The following HCN1 variants were observed in gnomAD, a reference collection of about 807,000 sequenced individuals.
HCN1 encodes hyperpolarization activated cyclic nucleotide gated potassium channel 1.
HCN1 carries 13 observed loss-of-function variants against 78.9 expected under a neutral mutation model. The observed-to-expected ratio is 0.16, with a 90% CI of 0.11 to 0.26. HCN1 has a LOEUF of 0.26. HCN1 is among the 10% of genes least tolerant of loss of function. The probability of loss-of-function intolerance (pLI) is 1.00; values close to 1 mark genes in which losing one functional copy is unlikely to be tolerated. For missense variants in HCN1, 810 were observed against 1,154.3 expected (o/e 0.70, Z 4.32); for synonymous variants, 552 against 455.5 (o/e 1.21, Z -2.70).
chr5:45,413,565 G>T (rs1214966819), intron 3 of HCN1, among the ~76,000 whole-genome samples: 1 of 151,968 alleles, frequency 6.6e-6, no homozygotes, highest in African/African-American at 2.4e-5. Context: ...GCTACACCAT[G>T]CAGGAGCAAA....
chr5:45,287,908 C>T (rs1415368237), intron 6 of HCN1, among the ~76,000 whole-genome samples: 1 of 152,028 alleles, frequency 6.6e-6, no homozygotes, highest in African/African-American at 2.4e-5. Context: ...TATGCTAATG[C>T]CTAACATCAT....
rs113612604 is a variant in HCN1 at position 45,384,297 on chromosome 5, C to G, written c.1230+12195G>C. ...AGATACTAAAAACACCCACAGATATCTAAATGATGTCTATATTACATCCAA... is the reference window on the plus strand; with the variant it reads ...AGATACTAAAAACACCCACAGATATGTAAATGATGTCTATATTACATCCAA... On this transcript the variant is annotated intron_variant, in intron 4 of 7. Coordinates refer to ENST00000303230, the MANE Select transcript of HCN1 (RefSeq NM_021072.4). Among the ~76,000 whole-genome samples, 4 of 152,172 alleles carry G rather than the reference C, an allele frequency of 2.6e-5. 1 individual carries two copies. The highest frequency in any genetic ancestry group is 9.6e-5 in the African/African-American group (4 of 41,548).
intron 2 of HCN1, among the ~76,000 whole-genome samples, chr5:45,630,331 C>T (rs1391700364): frequency 6.6e-6 from 1 of 152,122 alleles, no homozygotes; most frequent in African/African-American, 2.4e-5. Flanking sequence ...ACTAGCTGTG[C>T]AATATGGGGA....
chr5:45,498,041 G>A (rs1415793973), intron 2 of HCN1, among the ~76,000 whole-genome samples: 2 of 152,068 alleles, frequency 1.3e-5, no homozygotes, highest in Non-Finnish European at 2.9e-5. Flanking sequence ...TTTCAACTTT[G>A]GTGAATCTGA....
At chr5:45,480,420 GTAGA>G (rs1390854669) in intron 2 of HCN1, among the ~76,000 whole-genome samples, 3 of 152,100 alleles carry the variant, frequency 2.0e-5, no homozygotes, top group Non-Finnish European at 4.4e-5. Context: ...ATTGCAATAA[GTAGA>G]TAGAGCAACA....
Position 45,395,258 on chromosome 5 carries a change from C to T in HCN1, c.1230+1234G>A, listed in dbSNP as rs1441870161. On this transcript the variant is annotated intron_variant, in intron 4 of 7. Transcript: ENST00000303230. ...AACATCAGATTTAACGTGATGTAGTCTTATCTTAAATCTCCATAAAATTAG... is the reference window on the plus strand; with the variant it reads ...AACATCAGATTTAACGTGATGTAGTTTTATCTTAAATCTCCATAAAATTAG... Among the ~76,000 whole-genome samples the T allele has an allele frequency of 5.3e-5, 8 of 152,006 alleles. No individual in the cohort carries two copies. In the East Asian group the frequency reaches 1.5e-3, roughly 29 times the overall value.
intron 2 of HCN1, among the ~76,000 whole-genome samples, chr5:45,612,876 A>G (rs1744866055): frequency 2.0e-5 from 3 of 152,198 alleles, no homozygotes. Flanking sequence ...TGTGTTCCAG[A>G]GAAACAAAGG....
intron 2 of HCN1, among the ~76,000 whole-genome samples, chr5:45,583,293 A>T (rs1255507319): frequency 6.6e-6 from 1 of 151,932 alleles, no homozygotes; most frequent in African/African-American, 2.4e-5. Flanking sequence ...TTTCTTCTAG[A>T]TTTTCTAGTT....
chr5:45,389,319 T>A (rs2112033285), intron 4 of HCN1, among the ~76,000 whole-genome samples: 1 of 152,282 alleles, frequency 6.6e-6, no homozygotes, highest in East Asian at 1.9e-4. Context: ...TAATATAATT[T>A]CTTCTTCTCT....
intron 1 of HCN1, among the ~76,000 whole-genome samples, chr5:45,646,102 T>C (rs997110119): frequency 5.9e-5 from 9 of 152,020 alleles, no homozygotes; most frequent in South Asian, 4.1e-4. Flanking sequence ...GTTATGCAAA[T>C]TTATCTCAAG....
At chr5:45,585,576 G>A (rs1021394979) in intron 2 of HCN1, among the ~76,000 whole-genome samples, 3 of 152,122 alleles carry the variant, frequency 2.0e-5, no homozygotes, top group Non-Finnish European at 2.9e-5. Flanking sequence ...GAGGAGCTGC[G>A]TTCCTTTGGA....
At chr5:45,272,977 G>C (rs574219870) in intron 6 of HCN1, among the ~76,000 whole-genome samples, 3 of 152,032 alleles carry the variant, frequency 2.0e-5, no homozygotes, top group Admixed American at 6.6e-5. Flanking sequence ...CTTTTTTCTT[G>C]TTTGTATACT....
intron 2 of HCN1, among the ~76,000 whole-genome samples, chr5:45,580,731 T>A (rs1204189445): frequency 6.6e-6 from 1 of 152,046 alleles, no homozygotes; most frequent in Non-Finnish European, 1.5e-5. Context: ...ATGTTCCTCT[T>A]CCTGTGGCCA....
chr5:45,416,142 T>C (rs116591850), intron 3 of HCN1, among the ~76,000 whole-genome samples: 1,614 of 152,120 alleles, frequency 0.011, 27 homozygotes, highest in African/African-American at 0.037. Context: ...CAATTCAGCA[T>C]ATATTTTAAC....
chr5:45,323,475 T>C (rs558191549), intron 5 of HCN1, among the ~76,000 whole-genome samples: 2 of 152,038 alleles, frequency 1.3e-5, no homozygotes, highest in Non-Finnish European at 2.9e-5. Flanking sequence ...AATAAAATGG[T>C]AGAATGCCTT....
intron 2 of HCN1, among the ~76,000 whole-genome samples, chr5:45,531,854 A>G (rs768330338): frequency 3.9e-5 from 6 of 152,136 alleles, no homozygotes; most frequent in African/African-American, 7.2e-5. Context: ...AGCCTGAGCA[A>G]CACAGTGAAA....
intron 2 of HCN1, among the ~76,000 whole-genome samples, chr5:45,616,173 G>T (rs1177350970): frequency 2.0e-5 from 3 of 151,060 alleles, no homozygotes; most frequent in African/African-American, 7.3e-5. Flanking sequence ...TAACAGGAAA[G>T]AATAAACTGG....
At chr5:45,430,851 T>C (rs1740449044) in intron 3 of HCN1, among the ~76,000 whole-genome samples, 1 of 152,126 alleles carries the variant, frequency 6.6e-6, no homozygotes, top group African/African-American at 2.4e-5. Flanking sequence ...CCACTATTCA[T>C]GGGCATTTAG....
chr5:45,591,993 TTA>T (rs1744374578), intron 2 of HCN1, among the ~76,000 whole-genome samples: 2 of 149,876 alleles, frequency 1.3e-5, no homozygotes, highest in African/African-American at 5.1e-5. Context: ...TCTAGATAGA[TTA>T]TTTTTTTTTT....
Sources: allele counts gnomAD v4.1 joint callset (sites outside exome capture counted in the v4.1 genomes callset), GRCh38; gene constraint gnomAD v4.1.1; transcripts MANE v1.5; gene names NCBI Gene and HGNC (gene_info 2026-07-23, HGNC 2026-07-21).